Variants in LEPR observed in about 807,000 individuals in gnomAD.
LEPR encodes the protein leptin receptor, also known as OB receptor.
A neutral mutation model predicts 114.7 loss-of-function variants in LEPR; 56 were observed. The ratio of observed to expected loss-of-function variants is 0.49; its 90% CI spans 0.39 to 0.61. The LOEUF (loss-of-function observed/expected upper bound fraction) is 0.61, where lower values mean the gene tolerates loss of function less well. LEPR is among the 20% of genes least tolerant of loss of function. The probability of loss-of-function intolerance (pLI) is 0.00; values close to 1 mark genes in which losing one functional copy is unlikely to be tolerated. For synonymous variants in LEPR, 443 were observed against 461.4 expected (o/e 0.96, Z 0.51); for missense variants, 1,202 against 1,352.9 (o/e 0.89, Z 1.75).
intron 2 of LEPR, among the ~76,000 whole-genome samples, chr1:65,537,135 C>T (rs1650833224): frequency 6.6e-6 from 1 of 152,170 alleles, no homozygotes; most frequent in Admixed American, 6.5e-5. Context: ...AAACAGAAGA[C>T]ATACAATACT....
At chr1:65,601,710 T>C (rs1656449676) in intron 9 of LEPR, 28 bp downstream of exon 9, 4 of 1,613,238 alleles carry the variant, frequency 2.5e-6, no homozygotes, top group Non-Finnish European at 3.4e-6. Flanking sequence ...TTGTTCATTT[T>C]GTTCCACAAC....
chr1:65,434,914 G>T, intron 2 of LEPR: 1 of 985,418 alleles, frequency 1.0e-6, no homozygotes. Context: ...CTTCATCACA[G>T]AAAGAATGCC....
At chr1:65,466,035 A>G (rs957860692) in intron 2 of LEPR, among the ~76,000 whole-genome samples, 1 of 152,156 alleles carries the variant, frequency 6.6e-6, no homozygotes, top group Non-Finnish European at 1.5e-5. Context: ...ATTTAAGGTT[A>G]ATATTGTTAT....
intron 14 of LEPR, 69 bp downstream of exon 14, chr1:65,610,365 T>A: frequency 8.0e-7 from 1 of 1,253,978 alleles, no homozygotes. Context: ...TCATGGTCCA[T>A]AATCCTGTTA....
At position 65,434,346 on chromosome 1, in the gene LEPR, T is replaced by G. The variant is rs913013836; in HGVS notation, c.-21+8968T>G. On this transcript the variant is annotated intron_variant, in intron 2 of 19. Coordinates refer to ENST00000349533, the MANE Select transcript of LEPR (RefSeq NM_002303.6). ...CTTTTTTTATATATTGTACAATATATTTGGAGATTCAGAGCATAGTGACTA... is the reference window on the plus strand; with the variant it reads ...CTTTTTTTATATATTGTACAATATAGTTGGAGATTCAGAGCATAGTGACTA... 7 of 985,168 alleles carry G rather than the reference T, an allele frequency of 7.1e-6. No homozygotes were observed. In the African/African-American group the frequency reaches 1.2e-4, roughly 17 times the overall value. 61.0% of individuals were successfully genotyped at this position (985,168 alleles called of 1,614,324 possible). A position where few individuals can be genotyped will look rare whatever the true frequency, so the allele number is the denominator to read the frequency against.
chr1:65,584,819 A>G (rs558283305), intron 5 of LEPR, among the ~76,000 whole-genome samples: 1 of 152,124 alleles, frequency 6.6e-6, no homozygotes, highest in East Asian at 1.9e-4. Flanking sequence ...TGTTTGTTTC[A>G]GTTTGCATTC....
intron 19 of LEPR, chr1:65,629,233 AT>A (rs200545933): frequency 0.015 from 3,775 of 254,636 alleles, no homozygotes; most frequent in South Asian, 0.032. Flanking sequence ...CTCCCCTGCT[AT>A]TTTTTTTTTT....
chr1:65,440,728 A>G (rs1353377148), intron 2 of LEPR, among the ~76,000 whole-genome samples: 3 of 152,242 alleles, frequency 2.0e-5, no homozygotes, highest in East Asian at 1.9e-4. Context: ...GATGGATCCT[A>G]TGGGGCCCAG....
In LEPR at chr1:65,601,625, G is replaced by A. The variant is rs1656445457; in HGVS notation, c.1228G>A (p.Val410Met). 6.2e-7 allele frequency: 1 copy of A among 1,613,676 alleles called. No homozygotes were observed. The highest frequency in any genetic ancestry group is 1.1e-5 in the South Asian group (1 of 91,070). Residue 410 changes from valine to methionine, a missense_variant, in exon 9 of 20, where the codon GTG (valine) becomes ATG (methionine). Coordinates refer to ENST00000349533, the MANE Select transcript of LEPR (RefSeq NM_002303.6). ...TCGAGGAAAGTTTACCTATGATGCA[G>A]TGTACTGCTGCAATGAACATGAATG... is the stretch of plus-strand genomic sequence containing the variant. ...KPRGKFTYDAVYCCNEHECHH... is the reference protein window; with the variant it reads ...KPRGKFTYDAMYCCNEHECHH...
At chr1:65,552,764 C>G (rs1652500653) in intron 2 of LEPR, among the ~76,000 whole-genome samples, 1 of 152,074 alleles carries the variant, frequency 6.6e-6, no homozygotes, top group Non-Finnish European at 1.5e-5. Flanking sequence ...CATTATGATG[C>G]TAGCTGGTTG....
At chr1:65,585,801 ACT>A (rs1418751286) in intron 5 of LEPR, among the ~76,000 whole-genome samples, 2 of 151,986 alleles carry the variant, frequency 1.3e-5, no homozygotes, top group African/African-American at 4.8e-5. Flanking sequence ...TTATTCTCAT[ACT>A]TTAAAATTAT....
chr1:65,550,555 A>C (rs1033404753), intron 2 of LEPR, among the ~76,000 whole-genome samples: 19 of 152,198 alleles, frequency 1.2e-4, no homozygotes, highest in East Asian at 3.9e-4. Flanking sequence ...TGCCGCCTTG[A>C]AGTTTGATCT....
chr1:65,527,660 A>G (rs867945974), intron 2 of LEPR, among the ~76,000 whole-genome samples: 11 of 152,320 alleles, frequency 7.2e-5, no homozygotes, highest in Middle Eastern at 6.8e-3. Flanking sequence ...TGTACTTTGT[A>G]TGCAGTTTGG....
chr1:65,635,185 A>T, intron 19 of LEPR: 2 of 959,052 alleles, frequency 2.1e-6, no homozygotes, highest in Non-Finnish European at 2.5e-6. Flanking sequence ...TAGTTTAAAA[A>T]TTGTAAAATT....
intron 2 of LEPR, among the ~76,000 whole-genome samples, chr1:65,477,396 G>A (rs1169917611): frequency 6.6e-6 from 1 of 152,206 alleles, no homozygotes; most frequent in African/African-American, 2.4e-5. Flanking sequence ...GCATGGAGAG[G>A]TAGCTTAGTA....
At chr1:65,526,986 C>T (rs1034038301) in intron 2 of LEPR, among the ~76,000 whole-genome samples, 6 of 152,158 alleles carry the variant, frequency 3.9e-5, no homozygotes, top group Non-Finnish European at 8.8e-5. Flanking sequence ...AGCTCAGAAA[C>T]ATATAGATTT....
chr1:65,594,899 G>A (rs1002101571), intron 6 of LEPR, among the ~76,000 whole-genome samples: 1 of 151,992 alleles, frequency 6.6e-6, no homozygotes, highest in Admixed American at 6.6e-5. Context: ...GGCCGAGTAA[G>A]GTGAACAGGA....
At chr1:65,456,711 G>A (rs1299318669) in intron 2 of LEPR, among the ~76,000 whole-genome samples, 1 of 152,054 alleles carries the variant, frequency 6.6e-6, no homozygotes, top group Non-Finnish European at 1.5e-5. Context: ...TTTAAAGCTG[G>A]TTAATTGTAG....
intron 2 of LEPR, among the ~76,000 whole-genome samples, chr1:65,513,279 T>A (rs1223424448): frequency 6.6e-6 from 1 of 152,160 alleles, no homozygotes; most frequent in Non-Finnish European, 1.5e-5. Flanking sequence ...CAAAAGGGAA[T>A]AAATACTTTG....
Sources: allele counts gnomAD v4.1 joint callset (sites outside exome capture counted in the v4.1 genomes callset), GRCh38; gene constraint gnomAD v4.1.1; transcripts MANE v1.5; gene names NCBI Gene and HGNC (gene_info 2026-07-23, HGNC 2026-07-21).